The following ABHD2 variants were observed in gnomAD, a reference collection of about 807,000 sequenced individuals.
ABHD2 encodes monoacylglycerol lipase ABHD2.
Under a neutral mutation model 48.1 loss-of-function variants are expected in ABHD2, and 20 were observed. The ratio of observed to expected loss-of-function variants is 0.42; its 90% CI spans 0.29 to 0.60. ABHD2 has a LOEUF of 0.60. ABHD2 is among the 20% of genes least tolerant of loss of function. The pLI, the probability that ABHD2 is intolerant of heterozygous loss-of-function variation, is 0.24. For synonymous variants in ABHD2, 209 were observed against 214.2 expected (o/e 0.98, Z 0.21); for missense variants, 405 against 550.9 (o/e 0.74, Z 2.65).
chr15:89,105,486 A>G (rs1283559603), intron 1 of ABHD2, among the ~76,000 whole-genome samples: 3 of 152,260 alleles, frequency 2.0e-5, no homozygotes, highest in African/African-American at 7.2e-5. Context: ...TAAAACTGTT[A>G]TCACATGAGT....
the ABHD2 span, among the ~76,000 whole-genome samples, chr15:89,078,725 C>CTTTTTTTTTTTTTTT: frequency 1.4e-5 from 2 of 143,678 alleles, no homozygotes; most frequent in Non-Finnish European, 1.5e-5. Context: ...ACAATGTAGG[C>CTTTTTTTTTTTTTTT]TTTTTTTTTT....
chr15:89,058,362 G>A, the ABHD2 span, among the ~76,000 whole-genome samples: 1 of 152,200 alleles, frequency 6.6e-6, no homozygotes, highest in South Asian at 2.1e-4. Context: ...CTAGTACCTA[G>A]CATGTGAACA....
intron 3 of ABHD2, among the ~76,000 whole-genome samples, chr15:89,125,434 C>T (rs1246814419): frequency 6.6e-6 from 1 of 152,190 alleles, no homozygotes; most frequent in Non-Finnish European, 1.5e-5. Context: ...GACTCAAAAT[C>T]ATCTTGATTG....
chr15:89,120,103 A>G lies in ABHD2; in HGVS notation c.194+3582A>G, dbSNP rs1000907752. On this transcript the variant is annotated intron_variant, in intron 3 of 10. Transcript: ENST00000352732. The surrounding 1 kb of genome is among the most constrained non-coding windows in gnomAD (Gnocchi z 4.2). ...GAAAAAAAGTTGATGAAAGGTGAACATCGAAAGCATGCTCGAGGAGCAGGG... is the reference window on the plus strand; with the variant it reads ...GAAAAAAAGTTGATGAAAGGTGAACGTCGAAAGCATGCTCGAGGAGCAGGG... Among the ~76,000 whole-genome samples, 1 of 152,360 alleles carries G rather than the reference A, an allele frequency of 6.6e-6. No homozygotes were observed. The highest frequency in any genetic ancestry group is 1.9e-4 in the East Asian group (1 of 5,186).
chr15:89,160,903 G>A (rs745516626), intron 5 of ABHD2, among the ~76,000 whole-genome samples: 6 of 152,136 alleles, frequency 3.9e-5, no homozygotes, highest in Non-Finnish European at 8.8e-5. Context: ...AGTTATTGGT[G>A]GTGAACTCTC....
the ABHD2 span, among the ~76,000 whole-genome samples, chr15:89,061,810 G>A: frequency 6.6e-6 from 1 of 152,152 alleles, no homozygotes; most frequent in Admixed American, 6.5e-5. Flanking sequence ...CTGGGCTTAA[G>A]CAGTCTGCCT....
At chr15:89,152,980 G>A (rs932370460) in intron 4 of ABHD2, among the ~76,000 whole-genome samples, 2 of 152,070 alleles carry the variant, frequency 1.3e-5, no homozygotes, top group Non-Finnish European at 2.9e-5. Context: ...GTTATTTATG[G>A]GTAAATTCCA....
chr15:89,199,826 C>G lies in ABHD2; in HGVS notation c.*4403C>G, dbSNP rs1452251748. Reference sequence around the variant, plus strand: ...GGGAAGTAAACCTCTCACCGCCCCCCACCCCTCACTGCCCCCGATTACCCT... The same window carrying G: ...GGGAAGTAAACCTCTCACCGCCCCCGACCCCTCACTGCCCCCGATTACCCT... On this transcript the variant is annotated 3_prime_UTR_variant, in exon 11 of 11. Transcript: ENST00000352732. This position sits in a 1 kb window ranked among gnomAD's most constrained non-coding sequence, Gnocchi z 4.1. 2.0e-5 allele frequency: 3 copies of G among 152,498 alleles called. No individual in the cohort carries two copies. The highest frequency in any genetic ancestry group is 4.8e-5 in the African/African-American group (2 of 41,400). The allele number at this position is 152,498 out of a possible 1,614,324, so 9.4% of individuals were successfully genotyped here.
chr15:89,189,347 G>T lies in ABHD2; in HGVS notation c.926+1044G>T, dbSNP rs761703100. Among the ~76,000 whole-genome samples, 2 of 151,294 alleles carry T rather than the reference G, an allele frequency of 1.3e-5. No homozygotes were observed. Among genetic ancestry groups the T allele is most frequent in the African/African-American group, 2.4e-5 (1 of 41,104 alleles). ...AAAAAAAAATTGAAAAATAAAAATA[G>T]CCGGGCATAGTGGCACACACCTGTA... On this transcript the variant is annotated intron_variant, in intron 8 of 10. Coordinates refer to ENST00000352732, the MANE Select transcript of ABHD2 (RefSeq NM_152924.5). This position sits in a 1 kb window ranked among gnomAD's most constrained non-coding sequence, Gnocchi z 4.9.
intron 3 of ABHD2, chr15:89,136,417 G>C (rs2050313512): frequency 8.0e-6 from 4 of 498,852 alleles, no homozygotes; most frequent in South Asian, 6.0e-5. Flanking sequence ...TTGTTCTTAT[G>C]TGCCTCCCTA....
chr15:89,093,966 T>C (rs189348931), intron 1 of ABHD2: 2 of 152,368 alleles, frequency 1.3e-5, no homozygotes, highest in Admixed American at 1.3e-4. Context: ...TTAACCTTCG[T>C]CTTGCTTTTA....
At chr15:89,058,883 C>A in the ABHD2 span, among the ~76,000 whole-genome samples, 1 of 151,416 alleles carries the variant, frequency 6.6e-6, no homozygotes, top group African/African-American at 2.4e-5. Flanking sequence ...CAGAAGCCAT[C>A]CTTTCAAGGG....
At chr15:89,121,191 G>C (rs894133216) in intron 3 of ABHD2, among the ~76,000 whole-genome samples, 9 of 152,178 alleles carry the variant, frequency 5.9e-5, no homozygotes, top group African/African-American at 2.2e-4. Context: ...CAGAACCCTG[G>C]ATAAAATGAT....
intron 3 of ABHD2, among the ~76,000 whole-genome samples, chr15:89,149,785 T>C (rs911771855): frequency 1.3e-5 from 2 of 152,244 alleles, no homozygotes; most frequent in Non-Finnish European, 2.9e-5. Flanking sequence ...TAGGTTTATT[T>C]GAGCTTAGGC....
chr15:89,197,034 A>C lies in ABHD2; in HGVS notation c.*1611A>C, dbSNP rs1220188477. ...ACTGGAATATAAGTAGTGGGTCTGC[A>C]TGGATGTTTCAGGGATCAAAGGAGC... On this transcript the variant is annotated 3_prime_UTR_variant, in exon 11 of 11. Transcript: ENST00000352732. This position sits in a 1 kb window ranked among gnomAD's most constrained non-coding sequence, Gnocchi z 4.4. The C allele has an allele frequency of 6.6e-6, 1 of 152,650 alleles. No homozygotes were observed. Among genetic ancestry groups the C allele is most frequent in the Non-Finnish European group, 1.5e-5 (1 of 68,040 alleles). The allele number at this position is 152,650 out of a possible 1,614,324, so 9.5% of individuals were successfully genotyped here.
intron 3 of ABHD2, among the ~76,000 whole-genome samples, chr15:89,133,914 G>A: frequency 6.9e-6 from 1 of 145,242 alleles, no homozygotes; most frequent in Non-Finnish European, 1.5e-5. Flanking sequence ...TCGGCTCACT[G>A]CAAGCTCCGC....
chr15:89,069,059 A>G, the ABHD2 span, among the ~76,000 whole-genome samples: 57,706 of 150,122 alleles, frequency 0.38, 11,901 homozygotes, highest in African/African-American at 0.52. Flanking sequence ...ACATGGACAG[A>G]AGATATTGGT....
chr15:89,131,094 A>G (rs2050211804), intron 3 of ABHD2, among the ~76,000 whole-genome samples: 1 of 152,118 alleles, frequency 6.6e-6, no homozygotes, highest in African/African-American at 2.4e-5. Flanking sequence ...ACCCTTTCTA[A>G]TTGATCTTGC....
chr15:89,135,651 C>CT (rs1200670228), intron 3 of ABHD2: 24 of 1,555,794 alleles, frequency 1.5e-5, no homozygotes, highest in Middle Eastern at 2.3e-4. Context: ...TGACAACTCC[C>CT]TTTTTTTGCT....
Sources: gnomAD v4.1 joint callset for allele counts (sites outside exome capture counted in the v4.1 genomes callset) on GRCh38, gnomAD v4.1.1 for gene constraint, Gnocchi (gnomAD v3.1) non-coding constraint, MANE v1.5 for transcripts, NCBI Gene and HGNC (gene_info 2026-07-23, HGNC 2026-07-21) for gene names.